The following STOX2 variants were observed in gnomAD, a reference collection of about 807,000 sequenced individuals.
The protein encoded by STOX2 is storkhead-box protein 2.
Under a neutral mutation model 60.9 loss-of-function variants are expected in STOX2, and 28 were observed. That is an observed-to-expected ratio of 0.46 (90% CI 0.34 to 0.63). The LOEUF (loss-of-function observed/expected upper bound fraction) is 0.63. STOX2 is among the 30% of genes least tolerant of loss of function. The probability of loss-of-function intolerance (pLI) is 0.01; values close to 1 mark genes in which losing one functional copy is unlikely to be tolerated. For missense variants in STOX2, 1,024 were observed against 1,187.7 expected (o/e 0.86, Z 2.03); for synonymous variants, 472 against 463.9 (o/e 1.02, Z -0.22).
chr4:183,897,501 C>T (rs1741364403), intron 1 of STOX2, among the ~76,000 whole-genome samples: 1 of 152,158 alleles, frequency 6.6e-6, no homozygotes, highest in African/African-American at 2.4e-5. Context: ...AAGGGGACTG[C>T]AAATCGGGGC....
At chr4:183,835,993 G>C (rs933928417) in intron 1 of STOX2, among the ~76,000 whole-genome samples, 13 of 152,050 alleles carry the variant, frequency 8.5e-5, no homozygotes, top group African/African-American at 2.9e-4. Context: ...ATTGTGTAAG[G>C]GTTCTGATTC....
intron 1 of STOX2, among the ~76,000 whole-genome samples, chr4:183,923,585 A>T (rs1321858429): frequency 1.3e-5 from 2 of 152,110 alleles, no homozygotes; most frequent in Non-Finnish European, 2.9e-5. Flanking sequence ...CTGTTTTCTT[A>T]TTTTTTTCCA....
intron 1 of STOX2, among the ~76,000 whole-genome samples, chr4:183,993,011 C>A (rs960525078): frequency 6.6e-6 from 1 of 152,170 alleles, no homozygotes; most frequent in Admixed American, 6.5e-5. Flanking sequence ...GCATCTATTG[C>A]AAATAGCTAA....
At chr4:183,835,259 C>G (rs1005424066) in intron 1 of STOX2, among the ~76,000 whole-genome samples, 1 of 148,668 alleles carries the variant, frequency 6.7e-6, no homozygotes, top group Non-Finnish European at 1.5e-5. Context: ...GAGTCTGGCT[C>G]TGTTGCCCAG....
At chr4:183,982,958 C>T (rs530987233) in intron 1 of STOX2, among the ~76,000 whole-genome samples, 3 of 152,166 alleles carry the variant, frequency 2.0e-5, no homozygotes, top group Non-Finnish European at 2.9e-5. Context: ...CCTGTAGAAA[C>T]CTTTAATGCC....
chr4:183,867,940 A>T (rs1478815929), intron 1 of STOX2, among the ~76,000 whole-genome samples: 3 of 152,242 alleles, frequency 2.0e-5, no homozygotes, highest in Admixed American at 2.0e-4. Flanking sequence ...GGGGACAGTC[A>T]GAATTTTCCC....
chr4:183,888,902 C>T (rs1315361329), intron 1 of STOX2, among the ~76,000 whole-genome samples: 1 of 152,046 alleles, frequency 6.6e-6, no homozygotes, highest in Non-Finnish European at 1.5e-5. Flanking sequence ...GGGGCAAATG[C>T]TGCCTTTCTT....
At chr4:183,896,478 A>C (rs1263899385) in intron 1 of STOX2, among the ~76,000 whole-genome samples, 1 of 152,186 alleles carries the variant, frequency 6.6e-6, no homozygotes, top group African/African-American at 2.4e-5. Flanking sequence ...AGTAGCTGAG[A>C]CTACAGGTGC....
chr4:183,930,094 G>C (rs1742375204), intron 1 of STOX2, among the ~76,000 whole-genome samples: 2 of 151,486 alleles, frequency 1.3e-5, no homozygotes, highest in Non-Finnish European at 2.9e-5. Flanking sequence ...TCGATCTCCT[G>C]ACCTCGTGAT....
chr4:183,980,072 A>C (rs1732594711), intron 1 of STOX2, among the ~76,000 whole-genome samples: 1 of 152,230 alleles, frequency 6.6e-6, no homozygotes, highest in East Asian at 1.9e-4. Flanking sequence ...CTGTGATCTT[A>C]GAAAACAAAT....
At chr4:183,929,270 T>A (rs958679283) in intron 1 of STOX2, among the ~76,000 whole-genome samples, 2 of 152,220 alleles carry the variant, frequency 1.3e-5, no homozygotes, top group Admixed American at 6.5e-5. Flanking sequence ...AAATATCAAG[T>A]ACACAGCTAT....
intron 3 of STOX2, among the ~76,000 whole-genome samples, chr4:184,012,804 G>A (rs545822025): frequency 2.0e-5 from 3 of 152,120 alleles, no homozygotes; most frequent in African/African-American, 7.2e-5. Context: ...CTACTAAGTG[G>A]CTTTTCTAAG....
chr4:183,964,625 C>T (rs1030482274), intron 1 of STOX2, among the ~76,000 whole-genome samples: 3 of 152,108 alleles, frequency 2.0e-5, no homozygotes, highest in African/African-American at 4.8e-5. Context: ...AGTGTTGCTC[C>T]GTCGCACCCA....
intron 1 of STOX2, among the ~76,000 whole-genome samples, chr4:183,867,973 G>T (rs1333710044): frequency 6.6e-6 from 1 of 152,196 alleles, no homozygotes; most frequent in Admixed American, 6.5e-5. Flanking sequence ...TTCCTGTAGT[G>T]TAAAATTTGC....
rs957789145 is a variant in STOX2, at chr4:184,020,341, C to G, written c.*3057C>G. ...CGCACTCGATTTTGTTAGGAATGAA[C>G]GGAAGTTTAAAAATTCTTGTGCCCA... On this transcript the variant is annotated 3_prime_UTR_variant, in exon 4 of 4. Transcript: ENST00000308497. The G allele has an allele frequency of 6.6e-6, 1 of 152,262 alleles. No individual in the cohort carries two copies. Among genetic ancestry groups the G allele is most frequent in the East Asian group, 1.9e-4 (1 of 5,180 alleles). The allele number at this position is 152,262 out of a possible 1,614,324, so 9.4% of individuals were successfully genotyped here.
At chr4:183,949,678 A>G (rs1451091256) in intron 1 of STOX2, among the ~76,000 whole-genome samples, 1 of 152,228 alleles carries the variant, frequency 6.6e-6, no homozygotes, top group Non-Finnish European at 1.5e-5. Context: ...AGCCTGGGCG[A>G]CAGGGCGAGA....
intron 1 of STOX2, among the ~76,000 whole-genome samples, chr4:183,985,243 T>C (rs774464982): frequency 2.6e-5 from 4 of 152,206 alleles, no homozygotes; most frequent in Non-Finnish European, 4.4e-5. Context: ...ATTTTTTTGT[T>C]TACAGTGGCT....
chr4:183,999,683 C>T (rs1219938348), intron 1 of STOX2, among the ~76,000 whole-genome samples: 5 of 152,182 alleles, frequency 3.3e-5, no homozygotes, highest in Non-Finnish European at 7.3e-5. Flanking sequence ...TCTCCCCGTA[C>T]GTGCTGATCT....
At chr4:184,002,209 GT>G (rs1192920783) in intron 2 of STOX2, among the ~76,000 whole-genome samples, 5 of 151,974 alleles carry the variant, frequency 3.3e-5, no homozygotes, top group Admixed American at 1.3e-4. Flanking sequence ...ATTGACAATT[GT>G]GTGTGTGTAT....
Sources: gnomAD v4.1 joint callset for allele counts (sites outside exome capture counted in the v4.1 genomes callset) on GRCh38, gnomAD v4.1.1 for gene constraint, MANE v1.5 for transcripts, NCBI Gene and HGNC (gene_info 2026-07-23, HGNC 2026-07-21) for gene names.